LUZP2: variants seen among roughly 807,000 people sequenced by gnomAD.
LUZP2 encodes leucine zipper protein 2.
Under a neutral mutation model 51.6 loss-of-function variants are expected in LUZP2, and 52 were observed. The ratio of observed to expected loss-of-function variants is 1.01; its 90% CI spans 0.81 to 1.27. The LOEUF (loss-of-function observed/expected upper bound fraction) is 1.27, where lower values mean the gene tolerates loss of function less well. Ranked by LOEUF, LUZP2 falls within the 50% of genes most tolerant of loss-of-function variation. LUZP2 has a pLI of 0.00. For synonymous variants in LUZP2, 154 were observed against 137.3 expected (o/e 1.12, Z -0.85); for missense variants, 436 against 395.4 (o/e 1.10, Z -0.87).
intron 1 of LUZP2, among the ~76,000 whole-genome samples, chr11:24,621,247 CTTG>C (rs2133906428): frequency 6.6e-6 from 1 of 152,266 alleles, no homozygotes; most frequent in South Asian, 2.1e-4. Context: ...TGGTTAATTC[CTTG>C]TTGTTAGAAG....
At chr11:24,812,155 A>T (rs1364517055) in intron 5 of LUZP2, among the ~76,000 whole-genome samples, 3 of 152,134 alleles carry the variant, frequency 2.0e-5, no homozygotes, top group Non-Finnish European at 4.4e-5. Context: ...AATGTATAAA[A>T]TATGTATTTT....
At chr11:24,982,291 A>T (rs886993226) in intron 8 of LUZP2, among the ~76,000 whole-genome samples, 1 of 151,862 alleles carries the variant, frequency 6.6e-6, no homozygotes, top group Admixed American at 6.6e-5. Context: ...TTTTTCTTCC[A>T]TAAAGACACA....
At chr11:24,836,734 G>T (rs2134191001) in intron 5 of LUZP2, among the ~76,000 whole-genome samples, 1 of 151,956 alleles carries the variant, frequency 6.6e-6, no homozygotes, top group Non-Finnish European at 1.5e-5. Context: ...GGCTTAGAAT[G>T]ATTGAGGGAG....
chr11:25,050,997 G>T (rs1050188670), intron 10 of LUZP2, among the ~76,000 whole-genome samples: 2 of 152,106 alleles, frequency 1.3e-5, no homozygotes, highest in Non-Finnish European at 2.9e-5. Context: ...TTAGATTTGA[G>T]AACAGCAAAT....
chr11:24,806,116 T>G (rs550592166), intron 5 of LUZP2, among the ~76,000 whole-genome samples: 1 of 152,264 alleles, frequency 6.6e-6, no homozygotes, highest in Non-Finnish European at 1.5e-5. Flanking sequence ...ATAAAAAGTA[T>G]TTCATGGTCA....
At chr11:24,786,169 A>G in intron 5 of LUZP2, 3 of 982,638 alleles carry the variant, frequency 3.1e-6, no homozygotes, top group Non-Finnish European at 3.6e-6. Context: ...TCTCAGGGAA[A>G]CCTAAAACCA....
At chr11:24,888,824 G>A (rs897055143) in intron 5 of LUZP2, among the ~76,000 whole-genome samples, 7 of 152,180 alleles carry the variant, frequency 4.6e-5, no homozygotes, top group East Asian at 1.9e-4. Context: ...GTTCTCAGGA[G>A]ATCTGATGGT....
chr11:24,880,941 T>G (rs951134642), intron 5 of LUZP2, among the ~76,000 whole-genome samples: 3 of 152,176 alleles, frequency 2.0e-5, no homozygotes, highest in African/African-American at 4.8e-5. Flanking sequence ...GAAAGCACTT[T>G]GTAGACTCAT....
At chr11:24,817,280 A>G (rs1027650872) in intron 5 of LUZP2, among the ~76,000 whole-genome samples, 7 of 152,082 alleles carry the variant, frequency 4.6e-5, no homozygotes, top group African/African-American at 1.7e-4. Flanking sequence ...TGTAATAATA[A>G]CTAAGATATT....
intron 5 of LUZP2, among the ~76,000 whole-genome samples, chr11:24,768,114 G>A (rs950075101): frequency 2.0e-5 from 3 of 151,830 alleles, no homozygotes; most frequent in Admixed American, 2.0e-4. Context: ...ACTGGGACAA[G>A]CATCTTTAAT....
At chr11:25,028,520 A>G (rs1162546233) in intron 9 of LUZP2, among the ~76,000 whole-genome samples, 2 of 152,186 alleles carry the variant, frequency 1.3e-5, no homozygotes, top group African/African-American at 4.8e-5. Context: ...ACATTATGTT[A>G]AGTGAAATAA....
intron 1 of LUZP2, among the ~76,000 whole-genome samples, chr11:24,534,851 G>A (rs1409827384): frequency 6.6e-6 from 1 of 151,304 alleles, no homozygotes; most frequent in Non-Finnish European, 1.5e-5. Flanking sequence ...TGACTATTTT[G>A]TGGTCCTTGG....
chr11:24,713,258 T>C (rs2029192), intron 1 of LUZP2, among the ~76,000 whole-genome samples: 31,814 of 152,098 alleles, frequency 0.21, 5,213 homozygotes, highest in African/African-American at 0.44. Context: ...TTTATAGTTT[T>C]ATGATTTTCT....
At chr11:25,027,594 G>A (rs562460053) in intron 9 of LUZP2, among the ~76,000 whole-genome samples, 11 of 152,112 alleles carry the variant, frequency 7.2e-5, no homozygotes, top group South Asian at 2.1e-4. Flanking sequence ...CATTTAGGTC[G>A]GGCACAGTGG....
chr11:24,659,558 C>G (rs536904097), intron 1 of LUZP2, among the ~76,000 whole-genome samples: 1 of 151,752 alleles, frequency 6.6e-6, no homozygotes, highest in Non-Finnish European at 1.5e-5. Flanking sequence ...TACCCTAAAA[C>G]TTTAAGTATA....
At chr11:25,027,340 TCTC>T (rs964231461) in intron 9 of LUZP2, among the ~76,000 whole-genome samples, 25 of 152,260 alleles carry the variant, frequency 1.6e-4, no homozygotes, top group African/African-American at 5.8e-4. Flanking sequence ...TTAGAATAAT[TCTC>T]CTCTTGATTA....
At chr11:24,890,737 A>G (rs2133757042) in intron 5 of LUZP2, among the ~76,000 whole-genome samples, 1 of 152,286 alleles carries the variant, frequency 6.6e-6, no homozygotes, top group South Asian at 2.1e-4. Flanking sequence ...TATTTCATAG[A>G]TAAGAGTCAC....
chr11:25,026,482 A>G (rs959391061), intron 9 of LUZP2, among the ~76,000 whole-genome samples: 1 of 152,192 alleles, frequency 6.6e-6, no homozygotes, highest in Non-Finnish European at 1.5e-5. Context: ...TTTGGAAAGT[A>G]GAGTGTAAGA....
intron 1 of LUZP2, among the ~76,000 whole-genome samples, chr11:24,636,400 G>A (rs1242375987): frequency 6.6e-6 from 1 of 152,122 alleles, no homozygotes; most frequent in East Asian, 1.9e-4. Context: ...TAAGAGGGTG[G>A]ATTCTGAACC....
Sources: gnomAD v4.1 joint callset for allele counts (sites outside exome capture counted in the v4.1 genomes callset) on GRCh38, gnomAD v4.1.1 for gene constraint, MANE v1.5 for transcripts, NCBI Gene and HGNC (gene_info 2026-07-23, HGNC 2026-07-21) for gene names.